CNTN1: variants seen among roughly 807,000 people sequenced by gnomAD.
The protein encoded by CNTN1 is contactin 1.
Under a neutral mutation model 126.4 loss-of-function variants are expected in CNTN1, and 38 were observed. The observed-to-expected ratio is 0.30, with a 90% CI of 0.23 to 0.39. The LOEUF is 0.39. Ranked by LOEUF, CNTN1 falls within the 10% of genes least tolerant of loss-of-function variation. The probability of loss-of-function intolerance (pLI) is 1.00; values close to 1 mark genes in which losing one functional copy is unlikely to be tolerated. For missense variants in CNTN1, 1,009 were observed against 1,248.4 expected, an observed-to-expected ratio of 0.81 and a Z score of 2.89; for synonymous variants, 413 against 422.6, an observed-to-expected ratio of 0.98 and a Z score of 0.28.
chr12:40,741,602 A>G (rs890971696), intron 1 of CNTN1, among the ~76,000 whole-genome samples: 2 of 152,096 alleles, frequency 1.3e-5, no homozygotes, highest in Non-Finnish European at 2.9e-5. Flanking sequence ...GATATTATAA[A>G]TATCAACTTA....
intron 1 of CNTN1, among the ~76,000 whole-genome samples, chr12:40,819,053 G>T (rs923443700): frequency 2.0e-5 from 3 of 152,136 alleles, no homozygotes; most frequent in Admixed American, 2.0e-4. Context: ...ATGGGTGCCT[G>T]CTCCTTCTTC....
rs61754102 is a variant in CNTN1 at position 41,020,410 on chromosome 12, T to A, written c.2493T>A (p.His831Gln). 1 of 1,611,868 alleles carries A rather than the reference T, an allele frequency of 6.2e-7. No individual in the cohort carries two copies. The highest frequency in any genetic ancestry group is 1.1e-5 in the South Asian group (1 of 90,764). Reference sequence around the variant, plus strand: ...CTGAGATATCTGTTCATTGGGAACATGTTTTAGAAAAAATAGTGGAAAGCT... The same window carrying A: ...CTGAGATATCTGTTCATTGGGAACAAGTTTTAGAAAAAATAGTGGAAAGCT... The part of the protein sequence containing the change: ...SSSEISVHWE[H>Q]VLEKIVESYQ... Residue 831 changes from histidine to glutamine, a missense_variant, in exon 20 of 24, where the codon CAT becomes CAA. Physicochemically the swap from His to Gln is conservative, Grantham distance 24. Transcript: ENST00000551295.
chr12:40,711,693 C>A (rs1039618011), intron 1 of CNTN1, among the ~76,000 whole-genome samples: 4 of 151,970 alleles, frequency 2.6e-5, no homozygotes, highest in Non-Finnish European at 5.9e-5. Context: ...TCCTCCTCCT[C>A]CTCTTCCTAC....
Position 40,918,651 on chromosome 12 carries a change from A to G in CNTN1, c.107A>G (p.Asp36Gly), listed in dbSNP as rs770190844. ...RRYGHGVSEE[D>G]KGFGPIFEEQ... Reference sequence around the variant, plus strand: ...ATATTTCTTGTAGTTTCTGAGGAAGACAAAGGATTTGGACCAATTTTTGAA... The same window carrying G: ...ATATTTCTTGTAGTTTCTGAGGAAGGCAAAGGATTTGGACCAATTTTTGAA... Residue 36 changes from aspartate to glycine, a missense_variant, in exon 4 of 24, where the codon GAC becomes GGC. Asp to Gly is a moderately conservative substitution (Grantham distance 94). Transcript: ENST00000551295. 28 of 1,613,080 alleles carry G rather than the reference A, an allele frequency of 1.7e-5. No homozygotes were observed. The highest frequency in any genetic ancestry group is 8.3e-5 in the Admixed American group (5 of 59,954).
At chr12:40,838,912 T>C (rs941824852) in intron 1 of CNTN1, among the ~76,000 whole-genome samples, 13 of 152,152 alleles carry the variant, frequency 8.5e-5, no homozygotes, top group Admixed American at 7.9e-4. Context: ...TCTCTAGTAA[T>C]AGATCTTAAT....
chr12:41,063,831 C>T (rs1452742474), intron 23 of CNTN1, among the ~76,000 whole-genome samples: 2 of 152,140 alleles, frequency 1.3e-5, no homozygotes, highest in African/African-American at 4.8e-5. Flanking sequence ...CTTAAGAATA[C>T]GTGATGTGAG....
intron 1 of CNTN1, among the ~76,000 whole-genome samples, chr12:40,822,110 A>G (rs1941457464): frequency 6.9e-6 from 1 of 144,996 alleles, no homozygotes; most frequent in East Asian, 2.1e-4. Flanking sequence ...ATACTTCTCA[A>G]TGTTTTTTAT....
intron 1 of CNTN1, among the ~76,000 whole-genome samples, chr12:40,906,685 T>C (rs1166864235): frequency 2.8e-5 from 4 of 142,248 alleles, no homozygotes; most frequent in Non-Finnish European, 3.1e-5. Flanking sequence ...TTTTGTTTTG[T>C]TTTTTTTGAG....
At chr12:40,896,390 G>C (rs957707886) in intron 1 of CNTN1, among the ~76,000 whole-genome samples, 5 of 152,000 alleles carry the variant, frequency 3.3e-5, no homozygotes, top group Admixed American at 1.3e-4. Flanking sequence ...ATTCTCAGAA[G>C]TATGTATTAT....
chr12:41,068,349 A>C (rs1300211706), intron 23 of CNTN1, among the ~76,000 whole-genome samples: 1 of 152,096 alleles, frequency 6.6e-6, no homozygotes, highest in African/African-American at 2.4e-5. Context: ...AAGTAATGAT[A>C]AGTTTACTAT....
intron 22 of CNTN1, among the ~76,000 whole-genome samples, 157 bp from the exon 23 acceptor site, chr12:41,028,905 AT>A (rs958627803): frequency 2.0e-5 from 3 of 152,000 alleles, no homozygotes; most frequent in South Asian, 2.1e-4. Context: ...AACTAACATG[AT>A]TTTTTTCATC....
At chr12:40,717,738 G>T (rs1038737399) in intron 1 of CNTN1, among the ~76,000 whole-genome samples, 5 of 152,078 alleles carry the variant, frequency 3.3e-5, no homozygotes, top group African/African-American at 1.2e-4. Flanking sequence ...TTAGAATTGC[G>T]GGCACCACTG....
chr12:40,789,118 AGATT>A (rs1395785859), intron 1 of CNTN1, among the ~76,000 whole-genome samples: 1 of 152,114 alleles, frequency 6.6e-6, no homozygotes, highest in African/African-American at 2.4e-5. Flanking sequence ...GAATACTTTG[AGATT>A]GATTTTTTCC....
Position 41,057,019 on chromosome 12 carries a change from T to TGATATTTATAAATATTATAAATATTTA in CNTN1, c.2981-12866_2981-12840dup, listed in dbSNP as rs1555205992. Among the ~76,000 whole-genome samples the TGATATTTATAAATATTATAAATATTTA allele has an allele frequency of 1.7e-3, 106 of 63,328 alleles. 2 individuals are homozygous for TGATATTTATAAATATTATAAATATTTA. The highest frequency in any genetic ancestry group is 9.3e-3 in the Middle Eastern group (1 of 108). 41.5% of individuals were successfully genotyped at this position (63,328 alleles called of 152,430 possible). A position where few individuals can be genotyped will look rare whatever the true frequency, so the allele number is the denominator to read the frequency against. On this transcript the variant is annotated intron_variant, in intron 23 of 23. Transcript: ENST00000551295. The stretch of plus-strand genomic sequence containing the variant: ...TTATAAATATTTAGATATTTATAAA[T>TGATATTTATAAATATTATAAATATTTA]GATATTTATAAATATTATAAATATT...
intron 1 of CNTN1, among the ~76,000 whole-genome samples, chr12:40,759,423 C>G (rs1938748999): frequency 1.3e-5 from 2 of 151,054 alleles, no homozygotes; most frequent in South Asian, 4.2e-4. Flanking sequence ...CTCTTTCTTT[C>G]TCCCTCCCCT....
intron 1 of CNTN1, among the ~76,000 whole-genome samples, chr12:40,866,580 T>A (rs546430402): frequency 8.0e-4 from 122 of 152,274 alleles, no homozygotes; most frequent in African/African-American, 2.4e-3. Flanking sequence ...ATGGTTTTTG[T>A]TCTTTATTCT....
chr12:40,891,545 T>G (rs1944238269), intron 1 of CNTN1, among the ~76,000 whole-genome samples: 1 of 152,146 alleles, frequency 6.6e-6, no homozygotes, highest in Non-Finnish European at 1.5e-5. Context: ...TGACTCATTT[T>G]GAGTTAGTTT....
chr12:40,835,990 G>GTA (rs1232349721), intron 1 of CNTN1, among the ~76,000 whole-genome samples: 1 of 34,966 alleles, frequency 2.9e-5, no homozygotes, highest in East Asian at 1.1e-3. Context: ...ATATATATGT[G>GTA]TGTGTGTGTG....
chr12:40,929,603 A>G (rs1945811598), intron 6 of CNTN1, among the ~76,000 whole-genome samples, 193 bp from the exon 7 acceptor site: 1 of 152,042 alleles, frequency 6.6e-6, no homozygotes, highest in Non-Finnish European at 1.5e-5. Flanking sequence ...GTAATTGCTT[A>G]GTGTAATGCT....
Sources: allele counts gnomAD v4.1 joint callset (sites outside exome capture counted in the v4.1 genomes callset), GRCh38; gene constraint gnomAD v4.1.1; transcripts MANE v1.5; gene names NCBI Gene and HGNC (gene_info 2026-07-23, HGNC 2026-07-21).